Variants in GRIP1 observed in about 807,000 individuals in gnomAD.
GRIP1 encodes glutamate receptor interacting protein 1, also known as glutamate receptor-interacting protein 1.
In GRIP1, 45 loss-of-function variants were observed where a neutral mutation model predicts 129.9. The ratio of observed to expected loss-of-function variants is 0.35; its 90% CI spans 0.27 to 0.44. GRIP1 has a LOEUF of 0.44. GRIP1 is among the 20% of genes least tolerant of loss of function. The pLI, the probability that GRIP1 is intolerant of heterozygous loss-of-function variation, is 1.00. For synonymous variants in GRIP1, 530 were observed against 520.8 expected (o/e 1.02, Z -0.24); for missense variants, 1,196 against 1,396.8 (o/e 0.86, Z 2.29).
At chr12:66,543,064 C>T (rs2061835497) in intron 2 of GRIP1, among the ~76,000 whole-genome samples, 1 of 152,122 alleles carries the variant, frequency 6.6e-6, no homozygotes, top group Admixed American at 6.5e-5. Flanking sequence ...ATTGCTGCTG[C>T]TAGTACATTA....
intron 7 of GRIP1, among the ~76,000 whole-genome samples, chr12:66,495,158 T>C (rs1178670962): frequency 6.6e-6 from 1 of 152,336 alleles, no homozygotes; most frequent in East Asian, 1.9e-4. Context: ...ATGTGAAAAA[T>C]TACTTTCTTT....
chr12:66,374,363 T>A (rs2055682431), intron 22 of GRIP1, among the ~76,000 whole-genome samples: 1 of 152,056 alleles, frequency 6.6e-6, no homozygotes, highest in Non-Finnish European at 1.5e-5. Context: ...AATTTTTGTA[T>A]TTTTAGTAGA....
intron 1 of GRIP1, among the ~76,000 whole-genome samples, chr12:67,035,865 T>A (rs190650272): frequency 7.2e-5 from 11 of 152,308 alleles, no homozygotes; most frequent in Admixed American, 3.9e-4. Flanking sequence ...CATTTTTAAC[T>A]TCTTAGTGCT....
intron 1 of GRIP1, among the ~76,000 whole-genome samples, chr12:66,923,316 A>T (rs2041243478): frequency 6.6e-6 from 1 of 152,148 alleles, no homozygotes; most frequent in South Asian, 2.1e-4. Context: ...ACTGCACTCC[A>T]TCTGGGCAAC....
At chr12:66,723,239 T>TCCCTTC (rs1555230331) in intron 1 of GRIP1, among the ~76,000 whole-genome samples, 1 of 23,600 alleles carries the variant, frequency 4.2e-5, no homozygotes, top group East Asian at 1.5e-3. Context: ...TCTCTCTCTC[T>TCCCTTC]CTTCCTTCCT....
intron 7 of GRIP1, among the ~76,000 whole-genome samples, chr12:66,499,358 A>G (rs576048896): frequency 1.2e-4 from 19 of 152,380 alleles, no homozygotes; most frequent in Non-Finnish European, 2.2e-4. Flanking sequence ...AAAAGTGCAT[A>G]TTAAACCAAA....
chr12:66,399,101 G>C (rs549592863), intron 16 of GRIP1, among the ~76,000 whole-genome samples: 1 of 152,050 alleles, frequency 6.6e-6, no homozygotes, highest in East Asian at 1.9e-4. Flanking sequence ...CCAAGGTCTA[G>C]TTTCCTTTTC....
At chr12:66,444,214 C>T (rs12831566) in intron 13 of GRIP1, among the ~76,000 whole-genome samples, 57,528 of 151,856 alleles carry the variant, frequency 0.38, 11,039 homozygotes, top group East Asian at 0.5. Context: ...TGGCCGGGCG[C>T]GGTGGCTCAC....
At chr12:67,000,205 T>C (rs879092663) in intron 1 of GRIP1, among the ~76,000 whole-genome samples, 4 of 152,118 alleles carry the variant, frequency 2.6e-5, no homozygotes, top group Admixed American at 2.0e-4. Context: ...ATAAATAAAT[T>C]AGGTAAGTAC....
At chr12:66,488,747 A>G (rs558734925) in intron 7 of GRIP1, among the ~76,000 whole-genome samples, 65 of 152,268 alleles carry the variant, frequency 4.3e-4, no homozygotes, top group African/African-American at 1.5e-3. Context: ...AAGAAAAGAG[A>G]GAAGAATCAA....
intron 2 of GRIP1, among the ~76,000 whole-genome samples, chr12:66,583,757 A>G (rs2063500228): frequency 7.3e-6 from 1 of 137,406 alleles, no homozygotes. Flanking sequence ...GTCAGGAAAC[A>G]ACAGGTGCTG....
At chr12:66,483,333 A>T (rs2059860181) in intron 7 of GRIP1, among the ~76,000 whole-genome samples, 1 of 152,062 alleles carries the variant, frequency 6.6e-6, no homozygotes, top group African/African-American at 2.4e-5. Context: ...TTGCTGATTT[A>T]TTTTTTTTCT....
At chr12:66,785,364 T>C (rs1362916295) in intron 1 of GRIP1, among the ~76,000 whole-genome samples, 1 of 33,904 alleles carries the variant, frequency 2.9e-5, no homozygotes, top group Non-Finnish European at 8.4e-5. Context: ...ATATATATAT[T>C]AGTTGGGCAT....
intron 2 of GRIP1, among the ~76,000 whole-genome samples, chr12:66,576,002 T>C (rs2063126912): frequency 6.6e-6 from 1 of 152,164 alleles, no homozygotes; most frequent in South Asian, 2.1e-4. Flanking sequence ...AACATGACTA[T>C]GAAATGAAGA....
intron 7 of GRIP1, among the ~76,000 whole-genome samples, chr12:66,471,295 G>A (rs945912216): frequency 6.6e-6 from 1 of 152,224 alleles, no homozygotes; most frequent in African/African-American, 2.4e-5. Context: ...CAGAGGTGCA[G>A]TTTGACTCCA....
At chr12:66,406,247 C>A (rs767529511) in intron 16 of GRIP1, 36 bp downstream of exon 16, 2 of 1,608,924 alleles carry the variant, frequency 1.2e-6, no homozygotes, top group Non-Finnish European at 1.7e-6. Context: ...ATGGGCAGTT[C>A]GAAAAATCAG....
At chr12:66,701,575 C>T (rs1251612954) in intron 1 of GRIP1, among the ~76,000 whole-genome samples, 2 of 152,124 alleles carry the variant, frequency 1.3e-5, no homozygotes. Flanking sequence ...CATAGAAAGG[C>T]TTCTCCAACT....
At chr12:66,645,211 G>A (rs761098869) in intron 1 of GRIP1, among the ~76,000 whole-genome samples, 6 of 152,122 alleles carry the variant, frequency 3.9e-5, no homozygotes, top group African/African-American at 7.2e-5. Context: ...AAATTATGGA[G>A]CACATATAGT....
At chr12:66,440,078 C>T (rs2058429310) in intron 13 of GRIP1, among the ~76,000 whole-genome samples, 2 of 152,172 alleles carry the variant, frequency 1.3e-5, no homozygotes, top group South Asian at 2.1e-4. Context: ...GATCTTTTCA[C>T]CCTTGCTTGA....
Sources: gnomAD v4.1 joint callset for allele counts (sites outside exome capture counted in the v4.1 genomes callset) on GRCh38, gnomAD v4.1.1 for gene constraint, MANE v1.5 for transcripts, NCBI Gene and HGNC (gene_info 2026-07-23, HGNC 2026-07-21) for gene names.